SLC16A7: variants seen among roughly 807,000 people sequenced by gnomAD.
SLC16A7 encodes the protein monocarboxylate transporter 2.
In SLC16A7, 33 loss-of-function variants were observed where a neutral mutation model predicts 34.9. The ratio of observed to expected loss-of-function variants is 0.94; its 90% CI spans 0.72 to 1.26. The LOEUF is 1.26. Ranked by LOEUF, SLC16A7 falls within the 50% of genes most tolerant of loss-of-function variation. The pLI is 0.00. For synonymous variants in SLC16A7, 201 were observed against 206.6 expected, an observed-to-expected ratio of 0.97 and a Z score of 0.23; for missense variants, 573 against 578.1, an observed-to-expected ratio of 0.99 and a Z score of 0.09.
intron 3 of SLC16A7, among the ~76,000 whole-genome samples, chr12:59,739,200 C>T (rs866211199): frequency 3.7e-5 from 4 of 108,050 alleles, no homozygotes; most frequent in Non-Finnish European, 7.2e-5. Context: ...CCCCTCCCCC[C>T]ACCCCACAAC....
chr12:59,737,625 G>A (rs1877750547), intron 3 of SLC16A7, among the ~76,000 whole-genome samples: 1 of 152,124 alleles, frequency 6.6e-6, no homozygotes, highest in African/African-American at 2.4e-5. Context: ...ATTTTCTAAT[G>A]TTTAATACCA....
intron 3 of SLC16A7, among the ~76,000 whole-genome samples, chr12:59,733,201 T>A (rs1877159200): frequency 6.6e-6 from 1 of 152,172 alleles, no homozygotes; most frequent in Non-Finnish European, 1.5e-5. Flanking sequence ...CAAGTTTTGT[T>A]CAAGCCTGCT....
At chr12:59,626,839 G>C (rs1362507330) in intron 1 of SLC16A7, among the ~76,000 whole-genome samples, 1 of 151,822 alleles carries the variant, frequency 6.6e-6, no homozygotes, top group Non-Finnish European at 1.5e-5. Context: ...GACCAGGACA[G>C]TTTTAATTTT....
At chr12:59,630,450 C>T (rs1310636399) in intron 1 of SLC16A7, among the ~76,000 whole-genome samples, 1 of 151,840 alleles carries the variant, frequency 6.6e-6, no homozygotes, top group Non-Finnish European at 1.5e-5. Flanking sequence ...GCTGTTTCCT[C>T]ATCAGTAAAA....
intron 2 of SLC16A7, among the ~76,000 whole-genome samples, chr12:59,704,233 A>T (rs1873270704): frequency 6.6e-6 from 1 of 150,576 alleles, no homozygotes; most frequent in Non-Finnish European, 1.5e-5. Context: ...AAGAAAAAAA[A>T]AAGAAAAAGA....
At chr12:59,603,608 T>C (rs1345619980) in intron 1 of SLC16A7, among the ~76,000 whole-genome samples, 1 of 152,204 alleles carries the variant, frequency 6.6e-6, no homozygotes, top group African/African-American at 2.4e-5. Context: ...AGGAACATTA[T>C]GTTTATAATG....
At position 59,754,591 on chromosome 12, in the gene SLC16A7, G is replaced by A. The variant is rs529034286; in HGVS notation, c.218-16628G>A. On this transcript the variant is annotated intron_variant, in intron 3 of 5. Transcript: ENST00000547379. ...GAGTCTCTGAATAGACCAATAACAG[G>A]CTCTGAAATTGTGGCAATAATCAAT... 1.1e-3 allele frequency among the ~76,000 whole-genome samples: 172 copies of A among 152,238 alleles called. 2 individuals are homozygous for A. Among genetic ancestry groups the A allele is most frequent in the African/African-American group, 4.0e-3 (167 of 41,524 alleles).
chr12:59,770,505 A>G (rs1882116902), intron 3 of SLC16A7, among the ~76,000 whole-genome samples: 1 of 152,168 alleles, frequency 6.6e-6, no homozygotes, highest in South Asian at 2.1e-4. Flanking sequence ...CATTTTTCAA[A>G]TGCTCCTTAA....
At chr12:59,721,179 A>T (rs1410493554) in intron 3 of SLC16A7, among the ~76,000 whole-genome samples, 1 of 151,890 alleles carries the variant, frequency 6.6e-6, no homozygotes, top group Non-Finnish European at 1.5e-5. Context: ...TTGTCATTTA[A>T]TCCATATTCC....
intron 1 of SLC16A7, among the ~76,000 whole-genome samples, chr12:59,632,973 C>G (rs1483271301): frequency 6.6e-6 from 1 of 151,822 alleles, no homozygotes; most frequent in Non-Finnish European, 1.5e-5. Flanking sequence ...TGAAAGTTAC[C>G]AAAAGGTGAG....
intron 1 of SLC16A7, among the ~76,000 whole-genome samples, chr12:59,602,328 A>G (rs1419566262): frequency 6.6e-6 from 1 of 152,066 alleles, no homozygotes; most frequent in African/African-American, 2.4e-5. Context: ...CTTTGGCAGT[A>G]TTCATCCCTA....
rs549063140 is a variant in SLC16A7 at position 59,714,812 on chromosome 12, G to A, written c.217+9794G>A. ...ACTCCTGACCTCAGGTGATCCACCCGCCTCGGCCTCCCAAAGTGCTGGGAT... is the reference window on the plus strand; with the variant it reads ...ACTCCTGACCTCAGGTGATCCACCCACCTCGGCCTCCCAAAGTGCTGGGAT... On this transcript the variant is annotated intron_variant, in intron 3 of 5. Transcript: ENST00000547379. 1.8e-3 allele frequency among the ~76,000 whole-genome samples: 275 copies of A among 152,088 alleles called. 1 individual carries two copies. Among genetic ancestry groups the A allele is most frequent in the Non-Finnish European group, 3.5e-3 (238 of 67,980 alleles).
chr12:59,627,779 A>G (rs1001796263), intron 1 of SLC16A7, among the ~76,000 whole-genome samples: 8 of 151,350 alleles, frequency 5.3e-5, no homozygotes, highest in African/African-American at 1.9e-4. Flanking sequence ...CTTCAGTTTC[A>G]GCTCAGGCCT....
intron 3 of SLC16A7, among the ~76,000 whole-genome samples, chr12:59,760,737 A>G (rs191552010): frequency 1.3e-5 from 2 of 152,070 alleles, no homozygotes; most frequent in Non-Finnish European, 2.9e-5. Context: ...CATCCCAAGC[A>G]GGTTGAAGCA....
At chr12:59,599,288 A>G (rs1474296480) in intron 1 of SLC16A7, among the ~76,000 whole-genome samples, 2 of 152,258 alleles carry the variant, frequency 1.3e-5, no homozygotes, top group Non-Finnish European at 1.5e-5. Flanking sequence ...TGAATCTGGC[A>G]GGAAATCCAG....
In SLC16A7 at chr12:59,662,676, C is replaced by T. The variant is rs112977154; in HGVS notation, c.-31+7426C>T. Among the ~76,000 whole-genome samples, 114 of 152,082 alleles carry T rather than the reference C, an allele frequency of 7.5e-4. 1 individual carries two copies. Among genetic ancestry groups the T allele is most frequent in the African/African-American group, 2.5e-3 (103 of 41,502 alleles). On this transcript the variant is annotated intron_variant, in intron 2 of 5. Coordinates refer to ENST00000547379, the MANE Select transcript of SLC16A7 (RefSeq NM_001270623.2). ...GAACTTAGTTGCTCAACTTTAGTAA[C>T]GTGATTTCTCTGTGCTTTAAGTTAT...
At chr12:59,690,443 G>T (rs1189393172) in intron 2 of SLC16A7, among the ~76,000 whole-genome samples, 1 of 152,050 alleles carries the variant, frequency 6.6e-6, no homozygotes, top group Admixed American at 6.6e-5. Flanking sequence ...CATTATACTT[G>T]TGAGATACCC....
rs1882556559 is a variant in SLC16A7, at chr12:59,774,658, T to G, written c.363T>G (p.Gly121=). ...CCACTTTTGTTTTGTTCTTTTTAGGTTTAGGTTTAGCCTTCAACCTGCAAC... is the reference window on the plus strand; with the variant it reads ...CCACTTTTGTTTTGTTCTTTTTAGGGTTAGGTTTAGCCTTCAACCTGCAAC... ...QLYLTMGFIT[G]LGLAFNLQPA... Residue 121 remains glycine, a splice_region_variant and synonymous_variant, in exon 5 of 6, where the codon GGT becomes GGG. Coordinates refer to ENST00000547379, the MANE Select transcript of SLC16A7 (RefSeq NM_001270623.2). 1 of 1,563,836 alleles carries G rather than the reference T, an allele frequency of 6.4e-7. No homozygotes were observed. Among genetic ancestry groups the G allele is most frequent in the African/African-American group, 1.4e-5 (1 of 72,552 alleles).
intron 1 of SLC16A7, among the ~76,000 whole-genome samples, chr12:59,602,433 AC>A (rs1352057098): frequency 7.3e-6 from 1 of 137,478 alleles, no homozygotes; most frequent in Non-Finnish European, 1.5e-5. Flanking sequence ...CTCGCCTTTC[AC>A]CTCGTATTCA....
Sources: gnomAD v4.1 joint callset for allele counts (sites outside exome capture counted in the v4.1 genomes callset) on GRCh38, gnomAD v4.1.1 for gene constraint, MANE v1.5 for transcripts, NCBI Gene and HGNC (gene_info 2026-07-23, HGNC 2026-07-21) for gene names.